The following CDH2 variants were observed in gnomAD, a reference collection of about 807,000 sequenced individuals.
CDH2 encodes the protein cadherin 2, also known as cadherin-2.
CDH2 carries 17 observed loss-of-function variants against 92.0 expected under a neutral mutation model. The ratio of observed to expected loss-of-function variants is 0.18; its 90% CI spans 0.13 to 0.28. The LOEUF (loss-of-function observed/expected upper bound fraction) is 0.28. Ranked by LOEUF, CDH2 falls within the 10% of genes least tolerant of loss-of-function variation. The pLI is 1.00. For synonymous variants in CDH2, 419 were observed against 415.9 expected, an observed-to-expected ratio of 1.01 and a Z score of -0.09; for missense variants, 862 against 1,133.1, an observed-to-expected ratio of 0.76 and a Z score of 3.44.
intron 1 of CDH2, among the ~76,000 whole-genome samples, chr18:28,160,474 A>AG (rs2016290607): frequency 6.6e-6 from 1 of 152,224 alleles, no homozygotes; most frequent in African/African-American, 2.4e-5. Context: ...CAAGAACACT[A>AG]GCAAGGGTCT....
chr18:28,176,928 C>T (rs2016553898), intron 1 of CDH2, 35 bp downstream of exon 1: 1 of 1,226,796 alleles, frequency 8.2e-7, no homozygotes, highest in Non-Finnish European at 1.0e-6. Flanking sequence ...CGCCCCACCC[C>T]GCCCGTGGCC....
chr18:28,037,711 C>A (rs1242983055), intron 2 of CDH2, among the ~76,000 whole-genome samples: 1 of 151,988 alleles, frequency 6.6e-6, no homozygotes, highest in Admixed American at 6.6e-5. Flanking sequence ...GGCAAACTTA[C>A]AAAAACTTGG....
intron 8 of CDH2, 68 bp downstream of exon 8, chr18:27,993,432 A>G (rs1188686908): frequency 3.3e-6 from 5 of 1,494,556 alleles, no homozygotes; most frequent in Non-Finnish European, 4.6e-6. Context: ...CACATTTATT[A>G]TTCATGACCA....
intron 15 of CDH2, among the ~76,000 whole-genome samples, chr18:27,955,369 TA>T (rs760993428): frequency 0.035 from 1,074 of 30,940 alleles, 14 homozygotes; most frequent in African/African-American, 0.084. Context: ...AGTATAATAG[TA>T]AAAAAAAAAA....
In CDH2 at chr18:28,177,062, G is replaced by A; in HGVS notation, c.-40C>T. ...GCCGAGCGAAGAGCCGGAGGAGGCG[G>A]CGGCGGCGGCGGCGGCGGCGGAGGA... is the stretch of plus-strand genomic sequence containing the variant. On this transcript the variant is annotated 5_prime_UTR_variant, in exon 1 of 16. Coordinates refer to ENST00000269141, the MANE Select transcript of CDH2 (RefSeq NM_001792.5). 8.1e-7 allele frequency: 1 copy of A among 1,237,022 alleles called. No individual in the cohort carries two copies. The highest frequency in any genetic ancestry group is 2.3e-5 in the Admixed American group (1 of 43,638). 76.6% of individuals were successfully genotyped at this position (1,237,022 alleles called of 1,614,324 possible). A position where few individuals can be genotyped will look rare whatever the true frequency, so the allele number is the denominator to read the frequency against.
intron 2 of CDH2, among the ~76,000 whole-genome samples, chr18:28,099,943 C>T (rs939880264): frequency 6.6e-6 from 1 of 152,080 alleles, no homozygotes; most frequent in Admixed American, 6.6e-5. Flanking sequence ...CCAGCAAAAA[C>T]AGAAGTTTTT....
intron 10 of CDH2, 149 bp downstream of exon 10, chr18:27,989,946 TGA>T (rs1567952145): frequency 4.8e-6 from 3 of 625,260 alleles, no homozygotes; most frequent in Non-Finnish European, 8.1e-6. Context: ...ATTGACTTAC[TGA>T]GAAGAAAATT....
At chr18:28,033,638 C>T (rs2013753793) in intron 2 of CDH2, among the ~76,000 whole-genome samples, 1 of 152,032 alleles carries the variant, frequency 6.6e-6, no homozygotes, top group African/African-American at 2.4e-5. Context: ...ATGAGGAAGA[C>T]CATTAGTGGC....
chr18:28,053,247 A>C (rs1368503594), intron 2 of CDH2, among the ~76,000 whole-genome samples: 1 of 152,212 alleles, frequency 6.6e-6, no homozygotes, highest in African/African-American at 2.4e-5. Context: ...GAAAATCGTC[A>C]AACTCTGCAA....
chr18:28,097,529 C>A (rs1008686790), intron 2 of CDH2, among the ~76,000 whole-genome samples: 1 of 152,058 alleles, frequency 6.6e-6, no homozygotes, highest in Non-Finnish European at 1.5e-5. Context: ...TCTGCATCCA[C>A]AGATTCAACC....
intron 15 of CDH2, among the ~76,000 whole-genome samples, chr18:27,960,019 AACACACACAC>A (rs5823570): frequency 1.1e-4 from 16 of 149,502 alleles, no homozygotes; most frequent in South Asian, 2.1e-4. Context: ...TGTCTCTTAA[AACACACACAC>A]ACACACACAC....
chr18:28,125,385 C>T (rs1210753847), intron 2 of CDH2, among the ~76,000 whole-genome samples: 2 of 151,854 alleles, frequency 1.3e-5, no homozygotes, highest in Admixed American at 1.3e-4. Context: ...GGCAGTGATT[C>T]CAAAGGCAGA....
intron 1 of CDH2, among the ~76,000 whole-genome samples, chr18:28,176,323 A>G (rs2144380452): frequency 6.6e-6 from 1 of 152,310 alleles, no homozygotes; most frequent in East Asian, 1.9e-4. Context: ...GCTGACCGGC[A>G]GAGACTCCTC....
rs560896131 is a variant in CDH2, at chr18:27,990,994, AT to A, written c.1345-645del. On this transcript the variant is annotated intron_variant, in intron 9 of 15. Coordinates refer to ENST00000269141, the MANE Select transcript of CDH2 (RefSeq NM_001792.5). ...AACTAAAACTCTGCTGTCTTCTGGA[AT>A]ATTTCTGGATATTTTATTGGTCTGT... Among the ~76,000 whole-genome samples, 424 of 152,308 alleles carry A rather than the reference AT, an allele frequency of 2.8e-3. 2 individuals carry two copies. Among genetic ancestry groups the A allele is most frequent in the African/African-American group, 9.9e-3 (411 of 41,554 alleles).
At chr18:27,960,527 C>T (rs17467983) in intron 15 of CDH2, among the ~76,000 whole-genome samples, 3,810 of 152,242 alleles carry the variant, frequency 0.025, 58 homozygotes, top group South Asian at 0.048. Context: ...CAAATGGCCT[C>T]CTATGCCTGG....
At chr18:27,955,187 T>C (rs1455708189) in intron 15 of CDH2, among the ~76,000 whole-genome samples, 1 of 152,028 alleles carries the variant, frequency 6.6e-6, no homozygotes, top group African/African-American at 2.4e-5. Flanking sequence ...GCCCAATCCT[T>C]ATGATGTCAA....
At chr18:27,959,887 C>T (rs2011352245) in intron 15 of CDH2, among the ~76,000 whole-genome samples, 2 of 152,014 alleles carry the variant, frequency 1.3e-5, no homozygotes, top group Admixed American at 6.6e-5. Context: ...TGGTGGCTCA[C>T]ACCTGTAATC....
chr18:27,948,591 T>C (rs1909333690), downstream of CDH2, among the ~76,000 whole-genome samples: 1 of 151,674 alleles, frequency 6.6e-6, no homozygotes, highest in Admixed American at 6.6e-5. Context: ...AAGCTCTAAT[T>C]AGAAAAACAC....
intron 2 of CDH2, among the ~76,000 whole-genome samples, chr18:28,144,866 C>G (rs1013307400): frequency 1.1e-4 from 16 of 151,976 alleles, no homozygotes; most frequent in African/African-American, 3.4e-4. Context: ...GGAAGCTGTA[C>G]AGTTAGTTCT....
Sources: gnomAD v4.1 joint callset for allele counts (sites outside exome capture counted in the v4.1 genomes callset) on GRCh38, gnomAD v4.1.1 for gene constraint, MANE v1.5 for transcripts, NCBI Gene and HGNC (gene_info 2026-07-23, HGNC 2026-07-21) for gene names.